The following MYO10 variants were observed in gnomAD, a reference collection of about 807,000 sequenced individuals.
The protein encoded by MYO10 is myosin X, also known as unconventional myosin-X.
MYO10 carries 133 observed loss-of-function variants against 257.3 expected under a neutral mutation model. That is an observed-to-expected ratio of 0.52 (90% CI 0.45 to 0.60). The LOEUF (loss-of-function observed/expected upper bound fraction) is 0.60, where lower values mean the gene tolerates loss of function less well. Among genes scored for constraint, MYO10 ranks in the 20% least tolerant of loss-of-function variants. The pLI, the probability that MYO10 is intolerant of heterozygous loss-of-function variation, is 0.00. For synonymous variants in MYO10, 1,104 were observed against 1,028.6 expected (o/e 1.07, Z -1.40); for missense variants, 2,399 against 2,635.7 (o/e 0.91, Z 1.97).
At chr5:16,796,243 G>A (rs956010300) in intron 3 of MYO10, among the ~76,000 whole-genome samples, 8 of 93,632 alleles carry the variant, frequency 8.5e-5, no homozygotes, top group South Asian at 4.4e-4. Context: ...AAGAGCGAGC[G>A]TGCGAGAGAG....
intron 4 of MYO10, among the ~76,000 whole-genome samples, chr5:16,793,032 C>T (rs1338329284): frequency 1.3e-5 from 2 of 152,192 alleles, no homozygotes; most frequent in African/African-American, 2.4e-5. Context: ...AAGCAGATGT[C>T]GGAATCTTCG....
intron 1 of MYO10, among the ~76,000 whole-genome samples, chr5:16,894,724 T>C (rs1213840348): frequency 6.6e-6 from 1 of 152,068 alleles, no homozygotes; most frequent in Non-Finnish European, 1.5e-5. Context: ...TGCAAACAGA[T>C]CATTGAAACT....
chr5:16,763,446 C>CT, intron 14 of MYO10, 35 bp downstream of exon 14: 1 of 1,544,918 alleles, frequency 6.5e-7, no homozygotes, highest in Non-Finnish European at 9.0e-7. Context: ...GCTGGACCCC[C>CT]TTGGGACTGT....
chr5:16,803,091 T>C (rs1742169286), intron 3 of MYO10, among the ~76,000 whole-genome samples: 1 of 148,822 alleles, frequency 6.7e-6, no homozygotes, highest in African/African-American at 2.5e-5. Context: ...GGTAACAAAG[T>C]GGAAACCTTG....
rs141356611 is a variant in MYO10 at position 16,756,330 on chromosome 5, T to G, written c.1849-1422A>C. 8.5e-3 allele frequency among the ~76,000 whole-genome samples: 1,300 copies of G among 152,306 alleles called. 26 individuals carry two copies. The highest frequency in any genetic ancestry group is 0.029 in the African/African-American group (1,221 of 41,564). On this transcript the variant is annotated intron_variant, in intron 18 of 40. Coordinates refer to ENST00000513610, the MANE Select transcript of MYO10 (RefSeq NM_012334.3). ...ATCTTTCCACCTAGGCCTCCTAAAG[T>G]GCTGGGATTACAGGCATGTGTCACC... is the stretch of plus-strand genomic sequence containing the variant.
At chr5:16,788,470 T>A (rs1741656233) in intron 4 of MYO10, among the ~76,000 whole-genome samples, 1 of 152,088 alleles carries the variant, frequency 6.6e-6, no homozygotes, top group Non-Finnish European at 1.5e-5. Flanking sequence ...GATCTCAGGC[T>A]TGGGACAGGG....
chr5:16,673,872 G>C lies in MYO10; in HGVS notation c.4982C>G (p.Pro1661Arg). The C allele has an allele frequency of 1.2e-6, 2 of 1,613,910 alleles. No homozygotes were observed. Among genetic ancestry groups the C allele is most frequent in the Non-Finnish European group, 1.7e-6 (2 of 1,179,864 alleles). ...AGCGTATTTTTCCATCTCGCTTCCTGGAAACTGTTCCCGTATCCTAGGAGG... is the reference window on the plus strand; with the variant it reads ...AGCGTATTTTTCCATCTCGCTTCCTCGAAACTGTTCCCGTATCCTAGGAGG... Reference protein sequence around the residue: ...FHLKRIREQFPGSEMEKYALF... With the variant: ...FHLKRIREQFRGSEMEKYALF... The change falls in exon 36 of 41, where the codon CCA (proline) becomes CGA (arginine). Residue 1661 changes from proline to arginine, a missense_variant. Physicochemically the swap from Pro to Arg is moderately radical, Grantham distance 103. Coordinates refer to ENST00000513610, the MANE Select transcript of MYO10 (RefSeq NM_012334.3).
intron 9 of MYO10, among the ~76,000 whole-genome samples, chr5:16,770,678 G>A (rs1741019909): frequency 6.6e-6 from 1 of 152,210 alleles, no homozygotes; most frequent in African/African-American, 2.4e-5. Flanking sequence ...AGAGTGGGAA[G>A]AAGGAAACCA....
At chr5:16,844,633 C>T (rs1743575346) in intron 2 of MYO10, among the ~76,000 whole-genome samples, 1 of 152,098 alleles carries the variant, frequency 6.6e-6, no homozygotes, top group Non-Finnish European at 1.5e-5. Flanking sequence ...AGTGCCTAAT[C>T]TATACTCAAC....
intron 19 of MYO10, among the ~76,000 whole-genome samples, chr5:16,736,651 T>C (rs931431782): frequency 7.9e-5 from 12 of 152,198 alleles, no homozygotes; most frequent in Non-Finnish European, 1.6e-4. Context: ...CAATGTAAAC[T>C]GACTAGCTCA....
At chr5:16,898,331 G>A (rs959890159) in intron 1 of MYO10, among the ~76,000 whole-genome samples, 3 of 150,622 alleles carry the variant, frequency 2.0e-5, no homozygotes, top group Non-Finnish European at 2.9e-5. Context: ...AAGTATTACC[G>A]TTTCAAAATG....
intron 2 of MYO10, among the ~76,000 whole-genome samples, chr5:16,875,951 A>G (rs909066630): frequency 6.6e-6 from 1 of 152,014 alleles, no homozygotes; most frequent in Non-Finnish European, 1.5e-5. Flanking sequence ...CATCTCTACT[A>G]AAAATACAAA....
intron 27 of MYO10, among the ~76,000 whole-genome samples, chr5:16,693,831 A>T (rs201126301): frequency 1.3e-5 from 2 of 152,170 alleles, no homozygotes; most frequent in East Asian, 3.9e-4. Context: ...CTTTGGTTCT[A>T]TAAGGGTGTG....
rs184875372 is a variant in MYO10 at position 16,701,841 on chromosome 5, G to A, written c.2557-3C>T. 5 of 1,586,500 alleles carry A rather than the reference G, an allele frequency of 3.2e-6. No individual in the cohort carries two copies. The Admixed American group carries it at 9.3e-5, about 30-fold the overall frequency. ...TGCTGCTTCCTCGTTTCTTCTTCCT[G>A]GACAGAAGCAGAAGGGAGATTTCAG... is the stretch of plus-strand genomic sequence containing the variant. On this transcript the variant is annotated splice_region_variant and splice_polypyrimidine_tract_variant and intron_variant, in intron 24 of 40. Coordinates refer to ENST00000513610, the MANE Select transcript of MYO10 (RefSeq NM_012334.3). This position sits in a 1 kb window ranked among gnomAD's most constrained non-coding sequence, Gnocchi z 8.1.
intron 2 of MYO10, among the ~76,000 whole-genome samples, chr5:16,838,996 T>G (rs753816358): frequency 1.3e-5 from 2 of 152,206 alleles, no homozygotes; most frequent in African/African-American, 4.8e-5. Context: ...TCACTGACAA[T>G]GCACCTGGTC....
intron 39 of MYO10, among the ~76,000 whole-genome samples, chr5:16,670,020 T>C (rs537249017): frequency 6.6e-6 from 1 of 152,316 alleles, no homozygotes; most frequent in South Asian, 2.1e-4. Flanking sequence ...CAAACTCTCA[T>C]CTAGACAATT....
chr5:16,839,646 G>A (rs1032012768), intron 2 of MYO10, among the ~76,000 whole-genome samples: 1 of 152,156 alleles, frequency 6.6e-6, no homozygotes, highest in Non-Finnish European at 1.5e-5. Flanking sequence ...AAGAGGCTAA[G>A]GGGAAGATCA....
At position 16,814,638 on chromosome 5, in the gene MYO10, G is replaced by C. The variant is rs1044120155; in HGVS notation, c.279+3371C>G. On this transcript the variant is annotated intron_variant, in intron 3 of 40. Coordinates refer to ENST00000513610, the MANE Select transcript of MYO10 (RefSeq NM_012334.3). ...TTCTGACAGGTGGCGGTCTTGTCTC[G>C]ATGTGAGCGGAGTCCAACAGACGCT... The C allele has an allele frequency of 2.6e-5, 4 of 152,244 alleles. No individual in the cohort carries two copies. In the East Asian group the frequency reaches 7.7e-4, roughly 29 times the overall value. 9.4% of individuals were successfully genotyped at this position (152,244 alleles called of 1,614,324 possible). A position where few individuals can be genotyped will look rare whatever the true frequency, so the allele number is the denominator to read the frequency against.
chr5:16,697,259 GAAGCAAAA>G (rs1390090593), intron 26 of MYO10, among the ~76,000 whole-genome samples: 1 of 151,280 alleles, frequency 6.6e-6, no homozygotes, highest in African/African-American at 2.4e-5. Flanking sequence ...AGGAGCAGGT[GAAGCAAAA>G]AAGGAATCCA....
Sources: allele counts gnomAD v4.1 joint callset (sites outside exome capture counted in the v4.1 genomes callset), GRCh38; gene constraint gnomAD v4.1.1; non-coding constraint Gnocchi (gnomAD v3.1); transcripts MANE v1.5; gene names NCBI Gene and HGNC (gene_info 2026-07-23, HGNC 2026-07-21).